CSMD1: variants seen among roughly 807,000 people sequenced by gnomAD.
CSMD1 encodes CUB and sushi domain-containing protein 1.
In CSMD1, 213 loss-of-function variants were observed where a neutral mutation model predicts 417.5. That is an observed-to-expected ratio of 0.51 (90% CI 0.46 to 0.57). The LOEUF (loss-of-function observed/expected upper bound fraction) is 0.57. Ranked by LOEUF, CSMD1 falls within the 20% of genes least tolerant of loss-of-function variation. The probability of loss-of-function intolerance (pLI) is 0.00; values close to 1 mark genes in which losing one functional copy is unlikely to be tolerated. For synonymous variants in CSMD1, 2,862 were observed against 1,736.8 expected (o/e 1.65, Z -16.11); for missense variants, 6,923 against 4,529.7 (o/e 1.53, Z -15.17).
chr8:4,481,720 C>G (rs1330878062), intron 2 of CSMD1, among the ~76,000 whole-genome samples: 2 of 152,160 alleles, frequency 1.3e-5, no homozygotes, highest in Non-Finnish European at 2.9e-5. Context: ...ATATATTAGA[C>G]TACTTCTTTA....
chr8:4,401,591 T>C (rs1307080228), intron 3 of CSMD1, among the ~76,000 whole-genome samples: 1 of 152,086 alleles, frequency 6.6e-6, no homozygotes, highest in Non-Finnish European at 1.5e-5. Flanking sequence ...CATCATGTCC[T>C]CCATCCCTGT....
At chr8:4,236,088 G>A (rs185682332) in intron 3 of CSMD1, among the ~76,000 whole-genome samples, 28 of 123,220 alleles carry the variant, frequency 2.3e-4, no homozygotes, top group African/African-American at 4.9e-4. Context: ...ATTTTTTCCA[G>A]GTTTCCTGTA....
chr8:4,251,427 G>C (rs918311620), intron 3 of CSMD1, among the ~76,000 whole-genome samples: 6 of 152,144 alleles, frequency 3.9e-5, no homozygotes, highest in African/African-American at 7.2e-5. Flanking sequence ...AATAACATGA[G>C]ACAAGACCCA....
intron 52 of CSMD1, among the ~76,000 whole-genome samples, chr8:3,013,555 A>T (rs1808582965): frequency 6.6e-6 from 1 of 152,148 alleles, no homozygotes; most frequent in Non-Finnish European, 1.5e-5. Flanking sequence ...GTTCCAGACC[A>T]GCCTGGCCAA....
chr8:3,575,128 A>G, intron 9 of CSMD1, 62 bp from the exon 10 acceptor site: 1 of 1,539,684 alleles, frequency 6.5e-7, no homozygotes, highest in Non-Finnish European at 8.8e-7. Flanking sequence ...TAAAGACATA[A>G]CATTTATGGG....
At chr8:4,520,171 T>C (rs1037995614) in intron 2 of CSMD1, among the ~76,000 whole-genome samples, 4 of 152,188 alleles carry the variant, frequency 2.6e-5, no homozygotes, top group African/African-American at 7.2e-5. Flanking sequence ...AGCTTGGCTC[T>C]GTTTCCAAAC....
At chr8:4,164,294 G>T (rs182962785) in intron 3 of CSMD1, among the ~76,000 whole-genome samples, 7 of 151,998 alleles carry the variant, frequency 4.6e-5, no homozygotes, top group Non-Finnish European at 1.0e-4. Flanking sequence ...GGATACAAAT[G>T]ATAAATATAG....
At position 3,091,392 on chromosome 8, in the gene CSMD1, G is replaced by C. The variant is rs528493892; in HGVS notation, c.7285+124C>G. On this transcript the variant is annotated intron_variant, in intron 48 of 69. Coordinates refer to ENST00000635120, the MANE Select transcript of CSMD1 (RefSeq NM_033225.6). ...TAATTACCCATCATATATTTCTACT[G>C]TAGTTAATTATTAATCTTTAAGAAT... The C allele has an allele frequency of 1.8e-3, 1,119 of 630,110 alleles. 2 individuals carry two copies. The highest frequency in any genetic ancestry group is 4.1e-3 in the Middle Eastern group (9 of 2,174). The allele number at this position is 630,110 out of a possible 1,614,324, so 39.0% of individuals were successfully genotyped here.
chr8:3,138,626 T>A (rs186077271), intron 41 of CSMD1, among the ~76,000 whole-genome samples: 54 of 152,252 alleles, frequency 3.5e-4, no homozygotes, highest in Middle Eastern at 6.8e-3. Context: ...TAGAAACAGT[T>A]CCGAATGACT....
intron 23 of CSMD1, among the ~76,000 whole-genome samples, chr8:3,311,755 T>C (rs1805368594): frequency 6.6e-6 from 1 of 152,038 alleles, no homozygotes; most frequent in Non-Finnish European, 1.5e-5. Context: ...TGACAATAAA[T>C]TATGTTCTGA....
At position 3,457,517 on chromosome 8, in the gene CSMD1, G is replaced by A. The variant is rs1422418679; in HGVS notation, c.1561+11195C>T. Among the ~76,000 whole-genome samples the A allele has an allele frequency of 6.6e-5, 10 of 152,286 alleles. No homozygotes were observed. In the South Asian group the frequency reaches 8.3e-4, roughly 13 times the overall value. ...GCATTGGAGCTGAGTCATCAAAACC[G>A]CATGCCACGCCTGGCCGTTCCTGGC... is the stretch of plus-strand genomic sequence containing the variant. On this transcript the variant is annotated intron_variant, in intron 12 of 69. Transcript: ENST00000635120.
intron 3 of CSMD1, among the ~76,000 whole-genome samples, chr8:4,311,344 T>C (rs1227030578): frequency 1.3e-5 from 2 of 152,192 alleles, no homozygotes; most frequent in Non-Finnish European, 2.9e-5. Flanking sequence ...ATCAAGTCCT[T>C]TGCAGCAACA....
At chr8:3,421,436 G>C (rs528634782) in intron 12 of CSMD1, among the ~76,000 whole-genome samples, 1 of 152,200 alleles carries the variant, frequency 6.6e-6, no homozygotes. Context: ...ATTAAGAAAA[G>C]AGAAACATCA....
At chr8:3,278,762 G>C (rs1385393574) in intron 26 of CSMD1, 2 of 152,102 alleles carry the variant, frequency 1.3e-5, no homozygotes. Flanking sequence ...GGGTGTGATG[G>C]ACAGGCTGTT....
chr8:2,958,562 A>C (rs1014335426), intron 62 of CSMD1, among the ~76,000 whole-genome samples: 2 of 152,146 alleles, frequency 1.3e-5, no homozygotes, highest in African/African-American at 4.8e-5. Flanking sequence ...TTAGAGAATG[A>C]GCTATGGTCG....
intron 12 of CSMD1, among the ~76,000 whole-genome samples, chr8:3,434,196 C>A (rs1814404930): frequency 6.6e-6 from 1 of 152,154 alleles, no homozygotes; most frequent in African/African-American, 2.4e-5. Context: ...TAGAACATTT[C>A]CCATTTATGC....
intron 1 of CSMD1, among the ~76,000 whole-genome samples, chr8:4,859,500 C>A (rs963622149): frequency 1.3e-5 from 2 of 152,116 alleles, no homozygotes; most frequent in Non-Finnish European, 2.9e-5. Context: ...AAAATTCTCG[C>A]AACCTACTCA....
At chr8:3,457,612 C>G (rs969416045) in intron 12 of CSMD1, among the ~76,000 whole-genome samples, 5 of 152,208 alleles carry the variant, frequency 3.3e-5, no homozygotes, top group Non-Finnish European at 5.9e-5. Context: ...ATAGTCCCAT[C>G]TATAACTTTT....
In CSMD1 at chr8:4,750,775, T is replaced by C. The variant is rs1299056424; in HGVS notation, c.86-113217A>G. On this transcript the variant is annotated intron_variant, in intron 1 of 69. Transcript: ENST00000635120. ...CAAGGAAAAAAAAAAAAAAGTAGTA[T>C]TAGCATAAAATGTTTCGTTGGTTGC... Among the ~76,000 whole-genome samples, 3 of 152,116 alleles carry C rather than the reference T, an allele frequency of 2.0e-5. No homozygotes were observed. The East Asian group carries it at 5.8e-4, about 29-fold the overall frequency.
Sources: gnomAD v4.1 joint callset for allele counts (sites outside exome capture counted in the v4.1 genomes callset) on GRCh38, gnomAD v4.1.1 for gene constraint, MANE v1.5 for transcripts, NCBI Gene and HGNC (gene_info 2026-07-23, HGNC 2026-07-21) for gene names.